DDX11: variants seen among roughly 807,000 people sequenced by gnomAD.
DDX11 encodes ATP-dependent DNA helicase DDX11.
A neutral mutation model predicts 125.2 loss-of-function variants in DDX11; 72 were observed. That is an observed-to-expected ratio of 0.58 (90% CI 0.48 to 0.70). DDX11 has a LOEUF of 0.70. Ranked by LOEUF, DDX11 falls within the 30% of genes least tolerant of loss-of-function variation. The pLI, the probability that DDX11 is intolerant of heterozygous loss-of-function variation, is 0.00. For synonymous variants in DDX11, 347 were observed against 452.6 expected (o/e 0.77, Z 2.96); for missense variants, 883 against 1,165.0 (o/e 0.76, Z 3.52).
chr12:31,096,782 C>G, intron 16 of DDX11, 37 bp downstream of exon 16: 2 of 1,614,170 alleles, frequency 1.2e-6, no homozygotes, highest in Non-Finnish European at 1.7e-6. Context: ...GCCGGCTGCA[C>G]GCATGGGCAA....
intron 22 of DDX11, 49 bp from the exon 23 acceptor site, chr12:31,102,378 G>A: frequency 6.2e-7 from 1 of 1,609,252 alleles, no homozygotes; most frequent in South Asian, 1.1e-5. Context: ...CGTTGTGGGT[G>A]TCATCCAAGT....
intron 5 of DDX11, among the ~76,000 whole-genome samples, chr12:31,087,246 C>T (rs1361648983): frequency 1.2e-4 from 18 of 148,486 alleles, no homozygotes; most frequent in Non-Finnish European, 1.5e-5. Flanking sequence ...TCTGTTCACT[C>T]GATTGGTCAG....
intron 4 of DDX11, 69 bp from the exon 5 acceptor site, chr12:31,084,900 G>T (rs571418920): frequency 6.5e-7 from 1 of 1,543,722 alleles, no homozygotes; most frequent in African/African-American, 1.4e-5. Context: ...TTTGTCTCTG[G>T]CATGTGGGGA....
intron 6 of DDX11, 148 bp from the exon 7 acceptor site, chr12:31,088,896 A>G (rs375336182): frequency 8.7e-6 from 6 of 693,376 alleles, no homozygotes; most frequent in African/African-American, 5.3e-5. Flanking sequence ...GATGCCTGAC[A>G]TGGGACATTG....
In DDX11 at chr12:31,089,989, T is replaced by C; in HGVS notation, c.984T>C (p.Asp328=). The C allele has an allele frequency of 6.3e-7, 1 of 1,580,242 alleles. No homozygotes were observed. The highest frequency in any genetic ancestry group is 8.6e-7 in the Non-Finnish European group (1 of 1,163,824). The change falls in exon 9 of 27, where the codon GAT becomes GAC. Residue 328 remains aspartate (D), a synonymous_variant. Transcript: ENST00000542838. The part of the protein sequence containing the change: ...YNHEQMGLLR[D]EALAEVKDME... ...ACGAGCAGATGGGCCTTCTCCGGGA[T>C]GAGGCCCTGGCAGAGGTGAAGGACA...
chr12:31,101,116 G>A lies in DDX11; in HGVS notation c.2038G>A (p.Glu680Lys). ...GCTGGAATTCACGTTCCAGAAAAGA[G>A]AGCTGCCTCAGATGGTCAGTCCCAG... ...QPLEFTFQKRELPQMMDEVGR... is the reference protein window; with the variant it reads ...QPLEFTFQKRKLPQMMDEVGR... The change falls in exon 20 of 27, where the codon GAG (glutamate) becomes AAG (lysine). Residue 680 changes from glutamate (E) to lysine (K), a missense_variant. This residue lies in a region of DDX11 where 285 missense variants were observed against 346.0 expected (regional missense o/e 0.82). Coordinates refer to ENST00000542838, the MANE Select transcript of DDX11 (RefSeq NM_030653.4). 2 of 1,614,184 alleles carry A rather than the reference G, an allele frequency of 1.2e-6. No homozygotes were observed. The highest frequency in any genetic ancestry group is 8.5e-7 in the Non-Finnish European group (1 of 1,180,032).
At position 31,078,113 on chromosome 12, in the gene DDX11, G is replaced by A. The variant is rs544767973; in HGVS notation, c.-4-277G>A. The A allele has an allele frequency of 4.9e-5, 54 of 1,095,598 alleles. No individual in the cohort carries two copies. In the East Asian group the frequency reaches 1.2e-3, roughly 24 times the overall value. 67.9% of individuals were successfully genotyped at this position (1,095,598 alleles called of 1,614,324 possible). A position where few individuals can be genotyped will look rare whatever the true frequency, so the allele number is the denominator to read the frequency against. ...TTTGTAGAGGCATTAGAAAGGTATC[G>A]GAGCCACGGTGAAATGCAGGGGAGA... On this transcript the variant is annotated intron_variant, in intron 1 of 26. Coordinates refer to ENST00000542838, the MANE Select transcript of DDX11 (RefSeq NM_030653.4).
chr12:31,102,519 C>T lies in DDX11; in HGVS notation c.2364C>T (p.Asn788=), dbSNP rs754366011. The change falls in exon 23 of 27, where the codon AAC becomes AAT. Residue 788 remains asparagine (N), a synonymous_variant. Coordinates refer to ENST00000542838, the MANE Select transcript of DDX11 (RefSeq NM_030653.4). ...GTGAAGGGATCAACTTCTCTGACAACCTAGGCCGGTAAGTAGTGGTTCTGC... is the reference window on the plus strand; with the variant it reads ...GTGAAGGGATCAACTTCTCTGACAATCTAGGCCGGTAAGTAGTGGTTCTGC... ...KMSEGINFSD[N]LGRCVVMVGM... 5 of 1,613,364 alleles carry T rather than the reference C, an allele frequency of 3.1e-6. No homozygotes were observed. The African/African-American group carries it at 5.3e-5, about 17-fold the overall frequency.
rs190881038 is a variant in DDX11, at chr12:31,084,147, G to T, written c.393+86G>T. On this transcript the variant is annotated intron_variant, in intron 3 of 26. Coordinates refer to ENST00000542838, the MANE Select transcript of DDX11 (RefSeq NM_030653.4). Reference sequence around the variant, plus strand: ...CTGGGGCGATTCCGAGACTCAGGCAGTGCATGCTCCCCTGCCGTTGCCGTG... The same window carrying T: ...CTGGGGCGATTCCGAGACTCAGGCATTGCATGCTCCCCTGCCGTTGCCGTG... 6,516 of 1,560,100 alleles carry T rather than the reference G, an allele frequency of 4.2e-3. 15 individuals are homozygous for T. The highest frequency in any genetic ancestry group is 5.2e-3 in the Non-Finnish European group (5,916 of 1,132,842).
intron 8 of DDX11, 124 bp downstream of exon 8, chr12:31,089,614 C>G: frequency 1.8e-6 from 2 of 1,105,520 alleles, no homozygotes; most frequent in Non-Finnish European, 2.7e-6. Flanking sequence ...CAGTTCCTTC[C>G]TGAGTCCCCT....
intron 2 of DDX11, among the ~76,000 whole-genome samples, chr12:31,079,050 A>G (rs1941317290): frequency 6.6e-6 from 1 of 152,114 alleles, no homozygotes; most frequent in African/African-American, 2.4e-5. Flanking sequence ...GTGCCTACCT[A>G]TTACGGTAGA....
At chr12:31,091,052 C>G (rs1261016441) in intron 9 of DDX11, 1 of 152,226 alleles carries the variant, frequency 6.6e-6, no homozygotes, top group Non-Finnish European at 1.5e-5. Context: ...CAGTGAAATT[C>G]TGTGCATGGG....
chr12:31,090,158 G>A, intron 9 of DDX11, 64 bp downstream of exon 9: 1 of 1,484,038 alleles, frequency 6.7e-7, no homozygotes, highest in Non-Finnish European at 9.2e-7. Context: ...CCATGAGGGG[G>A]GTCCTCATCA....
At chr12:31,102,836 A>C (rs1419654295) in intron 23 of DDX11, 100 bp from the exon 24 acceptor site, 3 of 964,310 alleles carry the variant, frequency 3.1e-6, no homozygotes, top group Non-Finnish European at 4.7e-6. Context: ...TCACAGTCGG[A>C]GAGGCTGAGG....
chr12:31,085,195 C>T, intron 5 of DDX11, 69 bp downstream of exon 5: 13 of 1,516,880 alleles, frequency 8.6e-6, no homozygotes, highest in East Asian at 2.5e-5. Context: ...CTCTTTCCCT[C>T]ATGCCACAGA....
In DDX11 at chr12:31,101,146, C is replaced by G; in HGVS notation, c.2052+16C>G. 6.2e-7 allele frequency: 1 copy of G among 1,608,790 alleles called. No homozygotes were observed. The highest frequency in any genetic ancestry group is 8.5e-7 in the Non-Finnish European group (1 of 1,175,130). ...GCCTCAGATGGTCAGTCCCAGCCAG[C>G]TCGCCGCACCACAGCCTGGCCTCAG... On this transcript the variant is annotated intron_variant, in intron 20 of 26. Coordinates refer to ENST00000542838, the MANE Select transcript of DDX11 (RefSeq NM_030653.4).
At chr12:31,102,681 T>C in intron 23 of DDX11, 154 bp downstream of exon 23, 1 of 732,294 alleles carries the variant, frequency 1.4e-6, no homozygotes. Flanking sequence ...GCTCAGCAGC[T>C]CTGGGTTTGG....
intron 1 of DDX11, 71 bp downstream of exon 1, chr12:31,074,162 G>A (rs1940352217): frequency 6.6e-6 from 1 of 152,260 alleles, no homozygotes; most frequent in South Asian, 2.1e-4. Context: ...TGACAAGCGG[G>A]AACCCCTGTG....
intron 14 of DDX11, 39 bp from the exon 15 acceptor site, chr12:31,096,302 G>C (rs530587095): frequency 5.6e-6 from 8 of 1,417,294 alleles, no homozygotes; most frequent in Non-Finnish European, 7.8e-6. Context: ...AGCTTGCTCA[G>C]TTTGCACTCA....
Sources: allele counts gnomAD v4.1 joint callset (sites outside exome capture counted in the v4.1 genomes callset), GRCh38; gene constraint gnomAD v4.1.1; regional missense constraint gnomAD v4.1.1; transcripts MANE v1.5; gene names NCBI Gene and HGNC (gene_info 2026-07-23, HGNC 2026-07-21).